The following LYPLAL1 variants were observed in gnomAD, a reference collection of about 807,000 sequenced individuals.
LYPLAL1 encodes lysophospholipase like 1, also known as lysophospholipase-like protein 1.
Under a neutral mutation model 19.7 loss-of-function variants are expected in LYPLAL1, and 23 were observed. The observed-to-expected ratio is 1.17, with a 90% CI of 0.84 to 1.65. The LOEUF is 1.65. LYPLAL1 is among the 40% of genes most tolerant of loss of function. The probability of loss-of-function intolerance (pLI) is 0.00; values close to 1 mark genes in which losing one functional copy is unlikely to be tolerated. For missense variants in LYPLAL1, 355 were observed against 279.4 expected, an observed-to-expected ratio of 1.27 and a Z score of -1.93; for synonymous variants, 119 against 96.3, an observed-to-expected ratio of 1.24 and a Z score of -1.38.
At chr1:219,177,853 C>A (rs1434559252) in intron 1 of LYPLAL1, among the ~76,000 whole-genome samples, 1 of 152,160 alleles carries the variant, frequency 6.6e-6, no homozygotes, top group Non-Finnish European at 1.5e-5. Context: ...ATATTCATGA[C>A]TTCTTCATGA....
intron 3 of LYPLAL1, among the ~76,000 whole-genome samples, chr1:219,203,348 G>T (rs1281264751): frequency 6.6e-6 from 1 of 151,084 alleles, no homozygotes; most frequent in East Asian, 1.9e-4. Context: ...AGTGTGTCTA[G>T]CTTGGACAGG....
chr1:219,281,329 A>G, the LYPLAL1 span, among the ~76,000 whole-genome samples: 2 of 152,226 alleles, frequency 1.3e-5, no homozygotes, highest in Non-Finnish European at 2.9e-5. Context: ...TAATTAATCT[A>G]TAAAGAAAAA....
the LYPLAL1 span, among the ~76,000 whole-genome samples, chr1:219,256,152 G>A: frequency 6.6e-6 from 1 of 151,738 alleles, no homozygotes; most frequent in East Asian, 1.9e-4. Context: ...CATATTTGGC[G>A]GAATTCACAA....
At chr1:219,353,778 A>G in the LYPLAL1 span, among the ~76,000 whole-genome samples, 1 of 152,246 alleles carries the variant, frequency 6.6e-6, no homozygotes, top group African/African-American at 2.4e-5. Flanking sequence ...ACAGGAAAAT[A>G]TGACCCATAA....
the LYPLAL1 span, among the ~76,000 whole-genome samples, chr1:219,252,288 A>G: frequency 6.6e-6 from 1 of 151,724 alleles, no homozygotes; most frequent in Non-Finnish European, 1.5e-5. Flanking sequence ...CTCTTCCCTG[A>G]TTGGTCTAGC....
At chr1:219,314,017 C>T in the LYPLAL1 span, among the ~76,000 whole-genome samples, 1 of 152,120 alleles carries the variant, frequency 6.6e-6, no homozygotes, top group African/African-American at 2.4e-5. Context: ...TCTGTTGTTC[C>T]CTTCTTTGTG....
chr1:219,444,320 G>A, the LYPLAL1 span, among the ~76,000 whole-genome samples: 3 of 152,126 alleles, frequency 2.0e-5, no homozygotes, highest in Admixed American at 6.5e-5. Context: ...ATTTTACATT[G>A]ACTTAGTTTC....
chr1:219,411,450 A>C, the LYPLAL1 span, among the ~76,000 whole-genome samples: 1 of 151,962 alleles, frequency 6.6e-6, no homozygotes, highest in Non-Finnish European at 1.5e-5. Flanking sequence ...AACTAATCTG[A>C]TGGGGAGGTG....
chr1:219,367,512 GA>G, the LYPLAL1 span, among the ~76,000 whole-genome samples: 8 of 145,864 alleles, frequency 5.5e-5, no homozygotes, highest in Non-Finnish European at 6.0e-5. Context: ...TTTCCATTTA[GA>G]AAAAAAAAAG....
At chr1:219,423,553 A>G in the LYPLAL1 span, among the ~76,000 whole-genome samples, 1 of 152,234 alleles carries the variant, frequency 6.6e-6, no homozygotes, top group Non-Finnish European at 1.5e-5. Context: ...TCCAAACACT[A>G]AGACTGAATT....
At chr1:219,227,193 A>C in the LYPLAL1 span, among the ~76,000 whole-genome samples, 1 of 152,236 alleles carries the variant, frequency 6.6e-6, no homozygotes, top group Non-Finnish European at 1.5e-5. Flanking sequence ...CGCAGACGAA[A>C]ATCTCTGCTC....
At chr1:219,186,965 T>A (rs1489921669) in intron 2 of LYPLAL1, among the ~76,000 whole-genome samples, 1 of 151,786 alleles carries the variant, frequency 6.6e-6, no homozygotes, top group East Asian at 1.9e-4. Flanking sequence ...TTACTTTATT[T>A]TTTTTCTGAT....
chr1:219,392,461 A>T, the LYPLAL1 span, among the ~76,000 whole-genome samples: 1 of 152,186 alleles, frequency 6.6e-6, no homozygotes, highest in South Asian at 2.1e-4. Flanking sequence ...TTGGTGTAAG[A>T]AAAGTCATTA....
At chr1:219,242,267 G>A in the LYPLAL1 span, among the ~76,000 whole-genome samples, 1 of 152,094 alleles carries the variant, frequency 6.6e-6, no homozygotes, top group African/African-American at 2.4e-5. Flanking sequence ...AATTTATATT[G>A]CCAGAGAAAC....
intron 1 of LYPLAL1, among the ~76,000 whole-genome samples, chr1:219,175,242 G>A (rs978126341): frequency 8.5e-5 from 13 of 152,150 alleles, no homozygotes; most frequent in African/African-American, 3.1e-4. Flanking sequence ...GTGGGGTAAG[G>A]TGAAAAAGTT....
At chr1:219,380,530 T>G in the LYPLAL1 span, among the ~76,000 whole-genome samples, 1 of 152,354 alleles carries the variant, frequency 6.6e-6, no homozygotes, top group Non-Finnish European at 1.5e-5. Context: ...GGTGCTGGAT[T>G]CGAAGCTGTC....
chr1:219,374,869 A>G, the LYPLAL1 span, among the ~76,000 whole-genome samples: 2 of 152,200 alleles, frequency 1.3e-5, no homozygotes, highest in Admixed American at 6.5e-5. Context: ...CAACCAGTCA[A>G]CAATCTCCAT....
At chr1:219,247,409 T>C in the LYPLAL1 span, among the ~76,000 whole-genome samples, 1 of 152,204 alleles carries the variant, frequency 6.6e-6, no homozygotes, top group Non-Finnish European at 1.5e-5. Flanking sequence ...TGCTTCATTA[T>C]TTATGGTACA....
At chr1:219,407,197 T>G in the LYPLAL1 span, among the ~76,000 whole-genome samples, 1 of 152,176 alleles carries the variant, frequency 6.6e-6, no homozygotes. Context: ...TATCTCTGGC[T>G]AGAGGGAGGC....
Sources: allele counts gnomAD v4.1 joint callset (sites outside exome capture counted in the v4.1 genomes callset), GRCh38; gene constraint gnomAD v4.1.1; transcripts MANE v1.5; gene names NCBI Gene and HGNC (gene_info 2026-07-23, HGNC 2026-07-21).